The following MS4A6E variants were observed in gnomAD, a reference collection of about 807,000 sequenced individuals.
MS4A6E encodes the protein membrane spanning 4-domains A6E, also known as membrane-spanning 4-domains subfamily A member 6E.
In MS4A6E, 8 loss-of-function variants were observed where a neutral mutation model predicts 13.2. That is an observed-to-expected ratio of 0.60 (90% CI 0.35 to 1.09). MS4A6E has a LOEUF of 1.09. MS4A6E is among the 50% of genes least tolerant of loss of function. The pLI, the probability that MS4A6E is intolerant of heterozygous loss-of-function variation, is 0.02. For synonymous variants in MS4A6E, 72 were observed against 67.6 expected, an observed-to-expected ratio of 1.06 and a Z score of -0.32; for missense variants, 177 against 171.1, an observed-to-expected ratio of 1.03 and a Z score of -0.19.
downstream of MS4A6E, among the ~76,000 whole-genome samples, chr11:60,344,965 T>C (rs2135068097): frequency 6.6e-6 from 1 of 152,256 alleles, no homozygotes; most frequent in African/African-American, 2.4e-5. Context: ...AGACAGAGTC[T>C]CACTCTGTGG....
downstream of MS4A6E, among the ~76,000 whole-genome samples, chr11:60,345,503 G>C (rs1391067419): frequency 2.0e-5 from 3 of 152,198 alleles, no homozygotes; most frequent in Non-Finnish European, 4.4e-5. Context: ...TCTGTGAAGA[G>C]GGTCTAGTCT....
chr11:60,342,586 G>A (rs186343881), downstream of MS4A6E, among the ~76,000 whole-genome samples: 1 of 152,272 alleles, frequency 6.6e-6, no homozygotes, highest in East Asian at 1.9e-4. Flanking sequence ...AGCATGGGAA[G>A]TGCTGGCCAT....
At chr11:60,344,015 C>T (rs1171524593), downstream of MS4A6E, among the ~76,000 whole-genome samples, 1 of 152,168 alleles carries the variant, frequency 6.6e-6, no homozygotes, top group Admixed American at 6.5e-5. Flanking sequence ...GATCCTATTT[C>T]TTGGAGTTGG....
At chr11:60,330,903 G>C (rs567791369) in intron 1 of MS4A6E, among the ~76,000 whole-genome samples, 1 of 152,140 alleles carries the variant, frequency 6.6e-6, no homozygotes, top group African/African-American at 2.4e-5. Flanking sequence ...TCTTTGTCAG[G>C]TTTGTCAAAG....
chr11:60,343,915 C>T (rs1264313436), downstream of MS4A6E, among the ~76,000 whole-genome samples: 4 of 152,150 alleles, frequency 2.6e-5, no homozygotes, highest in Admixed American at 6.5e-5. Context: ...GTTGAAAGAA[C>T]AGTGTAGGGC....
At chr11:60,337,673 T>C in intron 2 of MS4A6E, 68 bp from the exon 3 acceptor site, 3 of 1,584,936 alleles carry the variant, frequency 1.9e-6, no homozygotes, top group Non-Finnish European at 2.6e-6. Flanking sequence ...TGCAATGTAA[T>C]GGCAAAAAGG....
At chr11:60,334,769 T>G (rs2085177582) in intron 1 of MS4A6E, 113 bp from the exon 2 acceptor site, 1 of 1,168,192 alleles carries the variant, frequency 8.6e-7, no homozygotes, top group South Asian at 1.5e-5. Flanking sequence ...AGTTTCTTTC[T>G]CTAACACACA....
intron 1 of MS4A6E, among the ~76,000 whole-genome samples, chr11:60,333,120 T>C (rs2085167467): frequency 6.6e-6 from 1 of 152,266 alleles, no homozygotes; most frequent in South Asian, 2.1e-4. Flanking sequence ...CTTCCTTCTC[T>C]GGATCCCTTG....
chr11:60,345,415 G>GGA (rs890725437), downstream of MS4A6E, among the ~76,000 whole-genome samples: 2 of 152,168 alleles, frequency 1.3e-5, no homozygotes, highest in African/African-American at 4.8e-5. Context: ...GCTTGTGGCT[G>GGA]GAGAGAGAGA....
At chr11:60,348,218 A>AG (rs2135070108) in intron 4 of MS4A6E, among the ~76,000 whole-genome samples, 1 of 152,198 alleles carries the variant, frequency 6.6e-6, no homozygotes, top group South Asian at 2.1e-4. Flanking sequence ...TCTCTTGTGG[A>AG]GGGGCGCACA....
At chr11:60,342,991 CTCTT>C (rs2085237411), downstream of MS4A6E, among the ~76,000 whole-genome samples, 1 of 152,112 alleles carries the variant, frequency 6.6e-6, no homozygotes, top group South Asian at 2.1e-4. Context: ...TGGACAGTGA[CTCTT>C]TCTGACTACT....
At chr11:60,344,907 TTTTGTTTTTTTTG>T (rs983976404), downstream of MS4A6E, among the ~76,000 whole-genome samples, 9 of 70,892 alleles carry the variant, frequency 1.3e-4, no homozygotes, top group East Asian at 3.8e-4. Flanking sequence ...TGTTTGTTTG[TTTTGTTTTTTTTG>T]TTTGTTTTTT....
At chr11:60,338,766 T>A (rs566927511) in intron 3 of MS4A6E, 1 of 151,542 alleles carries the variant, frequency 6.6e-6, no homozygotes, top group South Asian at 2.1e-4. Context: ...AAAAATGAGG[T>A]CAGCCAAGAA....
At chr11:60,347,542 G>A (rs187341200) in intron 4 of MS4A6E, among the ~76,000 whole-genome samples, 1 of 149,722 alleles carries the variant, frequency 6.7e-6, no homozygotes, top group Admixed American at 6.7e-5. Flanking sequence ...GGAAATTCAG[G>A]CCAAAGACAA....
intron 3 of MS4A6E, among the ~76,000 whole-genome samples, chr11:60,339,456 A>G (rs1330095357): frequency 2.6e-5 from 4 of 152,184 alleles, no homozygotes; most frequent in Non-Finnish European, 5.9e-5. Context: ...AACAGGAGCT[A>G]GAGAAAGAAA....
downstream of MS4A6E, among the ~76,000 whole-genome samples, chr11:60,344,132 A>G (rs2085245691): frequency 6.6e-6 from 1 of 152,216 alleles, no homozygotes; most frequent in African/African-American, 2.4e-5. Flanking sequence ...GTAAGGAAAG[A>G]CCATCCATAC....
At chr11:60,328,423 G>A (rs368148038) in intron 1 of MS4A6E, among the ~76,000 whole-genome samples, 10 of 152,204 alleles carry the variant, frequency 6.6e-5, no homozygotes, top group African/African-American at 2.4e-4. Context: ...GAACAGTGGA[G>A]GGGTGATCCC....
chr11:60,333,517 A>G (rs2085169876), intron 1 of MS4A6E, among the ~76,000 whole-genome samples: 1 of 152,210 alleles, frequency 6.6e-6, no homozygotes, highest in Admixed American at 6.5e-5. Flanking sequence ...GGAGGGGGAA[A>G]CACGATAAAT....
downstream of MS4A6E, among the ~76,000 whole-genome samples, chr11:60,345,153 C>T (rs1015401101): frequency 2.0e-5 from 3 of 152,040 alleles, no homozygotes. Flanking sequence ...CCAGGATGTT[C>T]TCGATCTCCT....
Sources: gnomAD v4.1 joint callset for allele counts (sites outside exome capture counted in the v4.1 genomes callset) on GRCh38, gnomAD v4.1.1 for gene constraint, MANE v1.5 for transcripts, NCBI Gene and HGNC (gene_info 2026-07-23, HGNC 2026-07-21) for gene names.